The following ZFP82 variants were observed in gnomAD, a reference collection of about 807,000 sequenced individuals.
The protein encoded by ZFP82 is ZFP82 zinc finger protein, also known as zinc finger protein 82 homolog.
A neutral mutation model predicts 54.0 loss-of-function variants in ZFP82; 30 were observed. The ratio of observed to expected loss-of-function variants is 0.56; its 90% confidence interval spans 0.42 to 0.75. The LOEUF (loss-of-function observed/expected upper bound fraction) is 0.75. Among genes scored for constraint, ZFP82 ranks in the 30% least tolerant of loss-of-function variants. The probability of loss-of-function intolerance (pLI) is 0.00; values close to 1 mark genes in which losing one functional copy is unlikely to be tolerated. For missense variants in ZFP82, 500 were observed against 636.8 expected (o/e 0.79, Z 2.31); for synonymous variants, 194 against 209.5 (o/e 0.93, Z 0.64).
chr19:36,411,933 C>T (rs959668073), intron 1 of ZFP82, among the ~76,000 whole-genome samples: 6 of 151,526 alleles, frequency 4.0e-5, no homozygotes, highest in African/African-American at 1.5e-4. Flanking sequence ...CAAACTGTTG[C>T]CATTTAAAAA....
At chr19:36,402,766 T>C (rs567313205) in intron 4 of ZFP82, among the ~76,000 whole-genome samples, 50 of 151,274 alleles carry the variant, frequency 3.3e-4, no homozygotes, top group African/African-American at 1.2e-3. Context: ...GAGGCCGAGA[T>C]GGGCGGATCA....
chr19:36,383,625 A>G (rs2032084243), exon 2 of ZFP82: 1 of 152,128 alleles, frequency 6.6e-6, no homozygotes, highest in South Asian at 2.1e-4. Context: ...AAACAAAATT[A>G]TATCTATTTG....
chr19:36,417,300 C>G (rs2032689882), intron 1 of ZFP82, among the ~76,000 whole-genome samples: 1 of 151,978 alleles, frequency 6.6e-6, no homozygotes, highest in African/African-American at 2.4e-5. Flanking sequence ...GTTCTAAGAA[C>G]TTTACACATA....
downstream of ZFP82, among the ~76,000 whole-genome samples, chr19:36,388,199 T>G (rs1438147339): frequency 2.0e-5 from 3 of 152,160 alleles, no homozygotes; most frequent in African/African-American, 7.2e-5. Flanking sequence ...TATAATTGTT[T>G]TAATTGACTA....
At position 36,394,011 on chromosome 19, in the gene ZFP82, T is replaced by C. The variant is rs748645640; in HGVS notation, c.329A>G (p.His110Arg). Residue 110 changes from histidine to arginine, a missense_variant, in exon 5 of 5, where the codon CAT becomes CGT. His to Arg is a conservative substitution (Grantham distance 29). Coordinates refer to ENST00000392161, the MANE Select transcript of ZFP82 (RefSeq NM_133466.4). ...TTTTAAAATGAGACCCTTAAGGCCA[T>C]GGTTTTCAATTCTTTCCATTATCTT... is the stretch of plus-strand genomic sequence containing the variant. ...QWKIMERIENHGLKGLILKND... is the reference protein window; with the variant it reads ...QWKIMERIENRGLKGLILKND... The C allele has an allele frequency of 1.1e-5, 18 of 1,611,422 alleles. No homozygotes were observed. Among genetic ancestry groups the C allele is most frequent in the Admixed American group, 1.7e-5 (1 of 59,408 alleles).
At chr19:36,404,093 G>C (rs1320484377) in intron 4 of ZFP82, among the ~76,000 whole-genome samples, 1 of 152,062 alleles carries the variant, frequency 6.6e-6, no homozygotes, top group Non-Finnish European at 1.5e-5. Flanking sequence ...TAAATTTCGT[G>C]GGGATGGAAA....
chr19:36,405,132 C>T (rs1157737639), intron 4 of ZFP82, among the ~76,000 whole-genome samples: 1 of 148,702 alleles, frequency 6.7e-6, no homozygotes, highest in African/African-American at 2.5e-5. Flanking sequence ...TGCAGTGAGC[C>T]GAGATTGTGC....
chr19:36,410,794 C>A (rs993125775), intron 1 of ZFP82, among the ~76,000 whole-genome samples: 1 of 152,110 alleles, frequency 6.6e-6, no homozygotes, highest in African/African-American at 2.4e-5. Flanking sequence ...AGCCACCGCA[C>A]CCACCCGGCC....
At chr19:36,417,195 C>T (rs74508682) in intron 1 of ZFP82, among the ~76,000 whole-genome samples, 1 of 151,912 alleles carries the variant, frequency 6.6e-6, no homozygotes, top group South Asian at 2.1e-4. Context: ...TTCATTTTCC[C>T]CCCATCTATA....
chr19:36,413,952 G>T (rs1459346060), intron 1 of ZFP82, among the ~76,000 whole-genome samples: 1 of 148,718 alleles, frequency 6.7e-6, no homozygotes, highest in Non-Finnish European at 1.5e-5. Flanking sequence ...CCAGGCTGGA[G>T]TGCAGTGGCA....
At position 36,393,324 on chromosome 19, in the gene ZFP82, T is replaced by A; in HGVS notation, c.1016A>T (p.Glu339Val). Residue 339 changes from glutamate (E) to valine (V), a missense_variant, in exon 5 of 5, where the codon GAA becomes GTA. By Grantham distance (121) the Glu-to-Val change is moderately radical. Transcript: ENST00000392161. ...AAAGGCCTTCCCGCATTCCTTACAT[T>A]CATAGGGTTTCTCACCAGTATGAAG... is the stretch of plus-strand genomic sequence containing the variant. ...HKLHTGEKPY[E>V]CKECGKAFRV... 1 of 1,614,098 alleles carries A rather than the reference T, an allele frequency of 6.2e-7. No individual in the cohort carries two copies. The highest frequency in any genetic ancestry group is 8.5e-7 in the Non-Finnish European group (1 of 1,180,008).
intron 1 of ZFP82, among the ~76,000 whole-genome samples, chr19:36,411,990 C>T (rs2032588882): frequency 6.6e-6 from 1 of 151,724 alleles, no homozygotes; most frequent in South Asian, 2.1e-4. Flanking sequence ...ATGTTCAGTA[C>T]AGTTTGTTGA....
chr19:36,398,412 T>C (rs1052633194), intron 4 of ZFP82, among the ~76,000 whole-genome samples: 2 of 151,934 alleles, frequency 1.3e-5, no homozygotes, highest in African/African-American at 4.8e-5. Context: ...TGGCACATGC[T>C]TGTAGTCCCA....
At chr19:36,415,103 G>C (rs1372857962) in intron 1 of ZFP82, among the ~76,000 whole-genome samples, 1 of 152,216 alleles carries the variant, frequency 6.6e-6, no homozygotes, top group Non-Finnish European at 1.5e-5. Context: ...TTACAGGCGT[G>C]AGCCACCAGG....
At chr19:36,396,621 A>G (rs555859285) in intron 4 of ZFP82, among the ~76,000 whole-genome samples, 4 of 151,974 alleles carry the variant, frequency 2.6e-5, no homozygotes, top group Non-Finnish European at 5.9e-5. Context: ...GCGCCACTGC[A>G]CTCCAGCCTG....
chr19:36,397,246 C>T (rs2145583485), intron 4 of ZFP82, among the ~76,000 whole-genome samples: 1 of 152,054 alleles, frequency 6.6e-6, no homozygotes, highest in African/African-American at 2.4e-5. Flanking sequence ...GCACACACCA[C>T]CACGCCCAGC....
intron 4 of ZFP82, among the ~76,000 whole-genome samples, chr19:36,398,348 C>A (rs1189278312): frequency 6.6e-6 from 1 of 152,066 alleles, no homozygotes; most frequent in Non-Finnish European, 1.5e-5. Context: ...ACCTGCCTGG[C>A]CAATATTGTG....
chr19:36,395,097 C>A (rs2032271670), intron 4 of ZFP82: 1 of 152,212 alleles, frequency 6.6e-6, no homozygotes, highest in Admixed American at 6.5e-5. Flanking sequence ...CAGCTAAATA[C>A]AAGAATGGAA....
At position 36,393,028 on chromosome 19, in the gene ZFP82, T is replaced by C; in HGVS notation, c.1312A>G (p.Thr438Ala). Residue 438 changes from threonine (T) to alanine (A), a missense_variant, in exon 5 of 5, where the codon ACA becomes GCA. Thr to Ala is a moderately conservative substitution (Grantham distance 58, BLOSUM62 0). Coordinates refer to ENST00000392161, the MANE Select transcript of ZFP82 (RefSeq NM_133466.4). ...GKAFRLLSQL[T>A]QHQSIHIGEK... ...CCAATATGAATACTCTGATGCTGTG[T>C]GAGTTGTGAAAGTAGTCTGAAGGCC... The C allele has an allele frequency of 1.2e-6, 2 of 1,614,204 alleles. No homozygotes were observed. Among genetic ancestry groups the C allele is most frequent in the Non-Finnish European group, 1.7e-6 (2 of 1,180,030 alleles).
Sources: gnomAD v4.1 joint callset for allele counts (sites outside exome capture counted in the v4.1 genomes callset) on GRCh38, gnomAD v4.1.1 for gene constraint, MANE v1.5 for transcripts, NCBI Gene and HGNC (gene_info 2026-07-23, HGNC 2026-07-21) for gene names.